Variants in LRFN5 observed in about 807,000 individuals in gnomAD.
LRFN5 encodes the protein leucine rich repeat and fibronectin type III domain containing 5.
In LRFN5, 24 loss-of-function variants were observed where a neutral mutation model predicts 45.6. That is an observed-to-expected ratio of 0.53 (90% CI 0.38 to 0.74). The LOEUF is 0.74. LRFN5 is among the 30% of genes least tolerant of loss of function. The pLI, the probability that LRFN5 is intolerant of heterozygous loss-of-function variation, is 0.00. For synonymous variants in LRFN5, 340 were observed against 313.8 expected (o/e 1.08, Z -0.88); for missense variants, 776 against 861.5 (o/e 0.90, Z 1.24).
intron 1 of LRFN5, among the ~76,000 whole-genome samples, chr14:41,614,551 C>A (rs1439587577): frequency 6.6e-6 from 1 of 151,950 alleles, no homozygotes; most frequent in African/African-American, 2.4e-5. Flanking sequence ...ACTTTTAGTT[C>A]TATTTTGATG....
chr14:41,686,742 G>A (rs574206148), intron 1 of LRFN5, among the ~76,000 whole-genome samples: 1 of 152,226 alleles, frequency 6.6e-6, no homozygotes, highest in African/African-American at 2.4e-5. Flanking sequence ...CATTGATTCT[G>A]TTTGTGTGAT....
chr14:41,771,213 G>T (rs1049509357), intron 2 of LRFN5, among the ~76,000 whole-genome samples: 1 of 149,812 alleles, frequency 6.7e-6, no homozygotes, highest in African/African-American at 2.4e-5. Context: ...GGATCTCCTC[G>T]CCCAGAGGCC....
chr14:41,677,768 T>C (rs1322986794), intron 1 of LRFN5, among the ~76,000 whole-genome samples: 1 of 152,002 alleles, frequency 6.6e-6, no homozygotes, highest in African/African-American at 2.4e-5. Context: ...ACATACAATA[T>C]ATATATGTTG....
At position 41,887,985 on chromosome 14, in the gene LRFN5, A is replaced by G; in HGVS notation, c.1360A>G (p.Thr454Ala). 6.2e-7 allele frequency: 1 copy of G among 1,604,532 alleles called. No homozygotes were observed. The highest frequency in any genetic ancestry group is 8.5e-7 in the Non-Finnish European group (1 of 1,175,064). Residue 454 changes from threonine to alanine, a missense_variant, in exon 3 of 6, where the codon ACT (threonine) becomes GCT (alanine). Around this residue, in one of 2 missense-constraint regions of LRFN5, gnomAD observed 465 missense variants for 456.4 expected, o/e 1.02. Coordinates refer to ENST00000298119, the MANE Select transcript of LRFN5 (RefSeq NM_152447.5). The surrounding 1 kb of genome is among the most constrained non-coding windows in gnomAD (Gnocchi z 4.8). ...TATGTTTCAAATCCAGTACAATGGTACTTATGATGACACCCTTGTTTACAG... is the reference window on the plus strand; with the variant it reads ...TATGTTTCAAATCCAGTACAATGGTGCTTATGATGACACCCTTGTTTACAG... ...IRMFQIQYNG[T>A]YDDTLVYRMI...
rs370857022 is a variant in LRFN5, at chr14:41,627,673, T to A, written c.-197+19111T>A. 1.5e-4 allele frequency among the ~76,000 whole-genome samples: 23 copies of A among 152,330 alleles called. No individual in the cohort carries two copies. The East Asian group carries it at 3.3e-3, about 22-fold the overall frequency. ...TAAAGGAATCGACAACATGGTCGAA[T>A]ATATAGATATCTCTATGTTAATTTA... On this transcript the variant is annotated intron_variant, in intron 1 of 5. Transcript: ENST00000298119.
chr14:41,891,513 T>C lies in LRFN5; in HGVS notation c.1649T>C (p.Ile550Thr), dbSNP rs1350775125. 1.2e-6 allele frequency: 2 copies of C among 1,614,116 alleles called. No homozygotes were observed. The highest frequency in any genetic ancestry group is 1.7e-6 in the Non-Finnish European group (2 of 1,180,018). The stretch of plus-strand genomic sequence containing the variant: ...CTGGTATTCATCATTATTCTGATGA[T>C]CCGGTATAAGGTTTGCAACAATAAT... ...SVLVFIIILM[I>T]RYKVCNNNGQ... is the part of the protein sequence containing the mutation. Residue 550 changes from isoleucine to threonine, a missense_variant, in exon 4 of 6, where the codon ATC becomes ACC. Ile to Thr is a moderately conservative substitution (Grantham distance 89). Transcript: ENST00000298119.
intron 2 of LRFN5, among the ~76,000 whole-genome samples, chr14:41,841,607 A>G (rs962867513): frequency 1.3e-5 from 2 of 151,802 alleles, no homozygotes; most frequent in African/African-American, 4.8e-5. Flanking sequence ...TTCTTGACGA[A>G]TCCTCTTCTT....
chr14:41,789,787 A>T (rs530672948), intron 2 of LRFN5, among the ~76,000 whole-genome samples: 1 of 152,006 alleles, frequency 6.6e-6, no homozygotes, highest in Admixed American at 6.6e-5. Flanking sequence ...GTGATTTTAT[A>T]ATGTTTAACT....
chr14:41,654,710 T>G (rs943280451), intron 1 of LRFN5, among the ~76,000 whole-genome samples: 1 of 152,066 alleles, frequency 6.6e-6, no homozygotes, highest in Non-Finnish European at 1.5e-5. Context: ...ATCATTAGCT[T>G]TGGCAAAATG....
chr14:41,631,508 A>G (rs1310844467), intron 1 of LRFN5, among the ~76,000 whole-genome samples: 2 of 152,138 alleles, frequency 1.3e-5, no homozygotes, highest in African/African-American at 2.4e-5. Flanking sequence ...GTAGATAATA[A>G]ATGAGGAAAC....
At chr14:41,873,431 G>C (rs1346624651) in intron 2 of LRFN5, among the ~76,000 whole-genome samples, 3 of 151,922 alleles carry the variant, frequency 2.0e-5, no homozygotes, top group African/African-American at 2.4e-5. Context: ...GAGAGAGAGA[G>C]AGAGAGAGAG....
intron 1 of LRFN5, among the ~76,000 whole-genome samples, chr14:41,708,560 A>G (rs1188965445): frequency 6.6e-6 from 1 of 152,018 alleles, no homozygotes; most frequent in Non-Finnish European, 1.5e-5. Flanking sequence ...TCTAATCAAG[A>G]TTCAAATAAA....
At chr14:41,617,488 C>A (rs367636557) in intron 1 of LRFN5, among the ~76,000 whole-genome samples, 1 of 151,964 alleles carries the variant, frequency 6.6e-6, no homozygotes, top group Non-Finnish European at 1.5e-5. Context: ...TTGATTATTA[C>A]AAAAAATGTG....
At chr14:41,832,761 A>G (rs1191016455) in intron 2 of LRFN5, among the ~76,000 whole-genome samples, 1 of 152,162 alleles carries the variant, frequency 6.6e-6, no homozygotes, top group African/African-American at 2.4e-5. Flanking sequence ...CGATAATACC[A>G]TTACCGATTT....
chr14:41,731,063 T>C (rs968130220), intron 1 of LRFN5, among the ~76,000 whole-genome samples: 2 of 152,050 alleles, frequency 1.3e-5, no homozygotes, highest in African/African-American at 4.8e-5. Flanking sequence ...CTAAGATGTT[T>C]AATGATGCAA....
intron 1 of LRFN5, among the ~76,000 whole-genome samples, chr14:41,754,159 G>T (rs952526569): frequency 2.6e-5 from 4 of 152,058 alleles, no homozygotes; most frequent in African/African-American, 7.2e-5. Context: ...TGCTGGATTC[G>T]GTTTGCCAGT....
chr14:41,773,754 T>C (rs1886176743), intron 2 of LRFN5, among the ~76,000 whole-genome samples: 1 of 152,244 alleles, frequency 6.6e-6, no homozygotes, highest in African/African-American at 2.4e-5. Context: ...TACTTCCATC[T>C]GAGATAATGC....
intron 1 of LRFN5, among the ~76,000 whole-genome samples, chr14:41,643,672 T>C (rs1243008143): frequency 6.6e-6 from 1 of 151,726 alleles, no homozygotes; most frequent in Non-Finnish European, 1.5e-5. Context: ...CTCTCCCCAC[T>C]GGCATGCACG....
intron 1 of LRFN5, among the ~76,000 whole-genome samples, chr14:41,656,096 T>A (rs974160305): frequency 4.6e-5 from 7 of 151,998 alleles, no homozygotes; most frequent in Non-Finnish European, 8.8e-5. Flanking sequence ...AATGTAGTAA[T>A]CTTAGTGCCA....
Sources: allele counts gnomAD v4.1 joint callset (sites outside exome capture counted in the v4.1 genomes callset), GRCh38; gene constraint gnomAD v4.1.1; regional missense constraint gnomAD v4.1.1; non-coding constraint Gnocchi (gnomAD v3.1); transcripts MANE v1.5; gene names NCBI Gene and HGNC (gene_info 2026-07-23, HGNC 2026-07-21).